KCTD1: variants seen among roughly 807,000 people sequenced by gnomAD.
The protein encoded by KCTD1 is BTB/POZ domain-containing protein KCTD1.
A neutral mutation model predicts 66.0 loss-of-function variants in KCTD1; 24 were observed. The ratio of observed to expected loss-of-function variants is 0.36; its 90% CI spans 0.26 to 0.51. KCTD1 has a LOEUF of 0.51. Ranked by LOEUF, KCTD1 falls within the 20% of genes least tolerant of loss-of-function variation. The pLI, the probability that KCTD1 is intolerant of heterozygous loss-of-function variation, is 0.95. For missense variants in KCTD1, 943 were observed against 1,205.2 expected (o/e 0.78, Z 3.22); for synonymous variants, 511 against 517.2 (o/e 0.99, Z 0.16).
chr18:26,471,164 C>T (rs1309542309), intron 3 of KCTD1, among the ~76,000 whole-genome samples: 3 of 152,112 alleles, frequency 2.0e-5, no homozygotes, highest in Non-Finnish European at 4.4e-5. Context: ...GGTCTCCTGC[C>T]TGAGTCACTA....
At chr18:26,589,093 G>C (rs893881092) in intron 1 of KCTD1, among the ~76,000 whole-genome samples, 1 of 152,156 alleles carries the variant, frequency 6.6e-6, no homozygotes, top group Non-Finnish European at 1.5e-5. Flanking sequence ...GATATGAAGG[G>C]AGATACCTGC....
chr18:26,582,288 T>G (rs1454355135), intron 1 of KCTD1, among the ~76,000 whole-genome samples: 1 of 141,170 alleles, frequency 7.1e-6, no homozygotes, highest in South Asian at 2.3e-4. Context: ...AAAAAAAAAG[T>G]CAGCAAATAA....
At chr18:26,492,150 G>A (rs1982233193) in intron 2 of KCTD1, among the ~76,000 whole-genome samples, 1 of 152,212 alleles carries the variant, frequency 6.6e-6, no homozygotes, top group Admixed American at 6.5e-5. Flanking sequence ...GCTAAGATGG[G>A]AGGATTGCTT....
At chr18:26,553,557 T>C (rs1985627441) in intron 1 of KCTD1, among the ~76,000 whole-genome samples, 1 of 152,184 alleles carries the variant, frequency 6.6e-6, no homozygotes, top group Non-Finnish European at 1.5e-5. Flanking sequence ...AAAAACTCTC[T>C]CTGAAGCCAG....
At chr18:26,551,008 G>C (rs867939387), upstream of KCTD1, among the ~76,000 whole-genome samples, 69 of 152,312 alleles carry the variant, frequency 4.5e-4, 1 homozygote, top group Middle Eastern at 3.4e-3. Flanking sequence ...GGCTTGGCAG[G>C]GGACCAGGCC....
At chr18:26,623,092 C>T (rs990233345) in intron 1 of KCTD1, among the ~76,000 whole-genome samples, 2 of 152,168 alleles carry the variant, frequency 1.3e-5, no homozygotes, top group African/African-American at 4.8e-5. Context: ...ACCTCACGTG[C>T]AGACAATCTC....
upstream of KCTD1, among the ~76,000 whole-genome samples, chr18:26,643,683 C>T (rs1211611745): frequency 2.0e-5 from 3 of 152,070 alleles, no homozygotes; most frequent in African/African-American, 7.2e-5. Context: ...GGCCTGCTGG[C>T]CGGGTGCGGT....
At chr18:26,627,569 T>G (rs1052015023) in intron 1 of KCTD1, among the ~76,000 whole-genome samples, 39 of 152,198 alleles carry the variant, frequency 2.6e-4, no homozygotes, top group African/African-American at 8.9e-4. Context: ...AATTCTCTTT[T>G]TGGAACCTGG....
chr18:26,586,633 G>A (rs1251717169), intron 1 of KCTD1, among the ~76,000 whole-genome samples: 2 of 152,200 alleles, frequency 1.3e-5, no homozygotes. Flanking sequence ...AGTTGTGAAT[G>A]CAAAGGAAAA....
At chr18:26,526,566 G>C (rs545401588) in intron 1 of KCTD1, among the ~76,000 whole-genome samples, 1 of 152,322 alleles carries the variant, frequency 6.6e-6, no homozygotes, top group Admixed American at 6.5e-5. Flanking sequence ...GAATAGCCAA[G>C]AGAAAGATGC....
At chr18:26,626,341 A>G (rs1297272018) in intron 1 of KCTD1, among the ~76,000 whole-genome samples, 1 of 152,170 alleles carries the variant, frequency 6.6e-6, no homozygotes, top group Non-Finnish European at 1.5e-5. Context: ...AAACCAAGAA[A>G]TAAATAAATA....
intron 1 of KCTD1, among the ~76,000 whole-genome samples, chr18:26,506,470 G>A (rs1384152724): frequency 1.3e-5 from 2 of 152,188 alleles, no homozygotes; most frequent in Non-Finnish European, 2.9e-5. Flanking sequence ...AGAGTGCCCA[G>A]TGCTATTCCC....
intron 1 of KCTD1, among the ~76,000 whole-genome samples, chr18:26,510,633 A>C (rs957271003): frequency 3.9e-5 from 6 of 152,242 alleles, no homozygotes; most frequent in Admixed American, 2.6e-4. Flanking sequence ...AGCTGAGGCC[A>C]TGAAAAGAAT....
intron 1 of KCTD1, among the ~76,000 whole-genome samples, chr18:26,600,726 C>A (rs1248758483): frequency 2.0e-5 from 3 of 151,836 alleles, no homozygotes; most frequent in Non-Finnish European, 2.9e-5. Flanking sequence ...CTCATCTCAG[C>A]AATGCTGCCA....
In KCTD1 at chr18:26,476,848, C is replaced by T; in HGVS notation, c.1989-189G>A. ...CAGGACGAGACCATTCAAAATAGTC[C>T]TAGGCTTTGTCAAATGAATTCTTTT... On this transcript the variant is annotated intron_variant, in intron 2 of 4. Transcript: ENST00000580059. The surrounding 1 kb of genome is among the most constrained non-coding windows in gnomAD (Gnocchi z 4.9). 2 of 540,720 alleles carry T rather than the reference C, an allele frequency of 3.7e-6. No homozygotes were observed. The highest frequency in any genetic ancestry group is 2.6e-5 in the South Asian group (1 of 38,232). 33.5% of individuals were successfully genotyped at this position (540,720 alleles called of 1,614,324 possible).
chr18:26,522,263 A>AG (rs1317437137), intron 1 of KCTD1, among the ~76,000 whole-genome samples: 2 of 152,240 alleles, frequency 1.3e-5, no homozygotes, highest in African/African-American at 4.8e-5. Flanking sequence ...CCTTATAGAA[A>AG]GGGGAAACTT....
chr18:26,651,215 AC>A (rs1403802968), intron 1 of KCTD1, among the ~76,000 whole-genome samples: 2 of 152,258 alleles, frequency 1.3e-5, no homozygotes, highest in Non-Finnish European at 2.9e-5. Context: ...CGGTGGCAGA[AC>A]AAGCAAGCCC....
intron 3 of KCTD1, among the ~76,000 whole-genome samples, chr18:26,470,863 GCA>G (rs1981019685): frequency 6.6e-6 from 1 of 152,186 alleles, no homozygotes; most frequent in South Asian, 2.1e-4. Context: ...GGCTGCATAG[GCA>G]CACAGAGGGG....
intron 1 of KCTD1, among the ~76,000 whole-genome samples, chr18:26,575,876 G>A (rs982252653): frequency 2.6e-5 from 4 of 152,168 alleles, no homozygotes; most frequent in African/African-American, 9.7e-5. Context: ...CCAAGGATGA[G>A]GCTTTAAGTG....
Sources: gnomAD v4.1 joint callset for allele counts (sites outside exome capture counted in the v4.1 genomes callset) on GRCh38, gnomAD v4.1.1 for gene constraint, Gnocchi (gnomAD v3.1) non-coding constraint, MANE v1.5 for transcripts, NCBI Gene and HGNC (gene_info 2026-07-23, HGNC 2026-07-21) for gene names.